Variants in DOCK7 observed in about 807,000 individuals in gnomAD.
DOCK7 encodes dedicator of cytokinesis protein 7.
A neutral mutation model predicts 271.0 loss-of-function variants in DOCK7; 138 were observed. The ratio of observed to expected loss-of-function variants is 0.51; its 90% CI spans 0.44 to 0.59. DOCK7 has a LOEUF of 0.59. Ranked by LOEUF, DOCK7 falls within the 20% of genes least tolerant of loss-of-function variation. The pLI is 0.00. For missense variants in DOCK7, 2,066 were observed against 2,592.4 expected, an observed-to-expected ratio of 0.80 and a Z score of 4.41; for synonymous variants, 823 against 876.1, an observed-to-expected ratio of 0.94 and a Z score of 1.07.
At chr1:62,633,882 T>C (rs1042798775) in intron 9 of DOCK7, 1 of 226,936 alleles carries the variant, frequency 4.4e-6, no homozygotes. Context: ...AAGACAAGAA[T>C]GCCCACATTA....
chr1:62,619,812 TA>T (rs34571440), intron 13 of DOCK7, 87 bp downstream of exon 13: 1,095 of 619,000 alleles, frequency 1.8e-3, no homozygotes, highest in East Asian at 2.8e-3. Context: ...GCCAGATAAA[TA>T]AAAAAAAAAG....
Position 62,544,992 on chromosome 1 carries a change from A to T in DOCK7, c.2814T>A (p.Ala938=). 6.5e-7 allele frequency: 1 copy of T among 1,549,974 alleles called. No homozygotes were observed. ...GACTGGGGTTGGATCCCCATGGGGC[A>T]GCTTTTGGACCACCAGTGTTAACCC... ...NSWVNTGGPK[A]APWGSNPSPS... The change falls in exon 23 of 50, where the codon GCT becomes GCA. Residue 938 remains alanine (A), a synonymous_variant. Transcript: ENST00000635253.
intron 48 of DOCK7, among the ~76,000 whole-genome samples, chr1:62,467,868 C>T (rs918728548): frequency 1.3e-5 from 2 of 152,168 alleles, no homozygotes; most frequent in African/African-American, 4.8e-5. Flanking sequence ...AAAATTCTAA[C>T]TAACCAAATC....
chr1:62,455,683 T>TTGTC (rs1040636239), intron 49 of DOCK7, among the ~76,000 whole-genome samples: 25 of 152,314 alleles, frequency 1.6e-4, no homozygotes, highest in African/African-American at 5.8e-4. Flanking sequence ...TTGTATTCGT[T>TTGTC]TGTCTGACTG....
In DOCK7 at chr1:62,488,995, G is replaced by A; in HGVS notation, c.5432C>T (p.Ala1811Val). The A allele has an allele frequency of 6.2e-6, 10 of 1,613,000 alleles. No homozygotes were observed. Among genetic ancestry groups the A allele is most frequent in the Non-Finnish European group, 8.5e-6 (10 of 1,179,470 alleles). ...LIPIHEANRD[A>V]KKLSTIHGKL... is the part of the protein sequence containing the mutation. ...ACCATGAATTGTGGATAGTTTCTTT[G>A]CATCCCGATTAGCTTCATGAATAGG... is the stretch of plus-strand genomic sequence containing the variant. Residue 1811 changes from alanine (A) to valine (V), a missense_variant, in exon 42 of 50, where the codon GCA (alanine) becomes GTA (valine). Around this residue, in one of 2 missense-constraint regions of DOCK7, gnomAD observed 652 missense variants for 922.1 expected, o/e 0.71. Transcript: ENST00000635253.
chr1:62,659,019 A>G (rs1395416126), intron 2 of DOCK7, among the ~76,000 whole-genome samples: 1 of 152,016 alleles, frequency 6.6e-6, no homozygotes. Flanking sequence ...AAACTAAGAG[A>G]CTCTGTCACC....
chr1:62,462,761 T>C (rs868318943), intron 48 of DOCK7, among the ~76,000 whole-genome samples: 9 of 152,166 alleles, frequency 5.9e-5, no homozygotes, highest in Middle Eastern at 3.4e-3. Context: ...CAAAAATCAA[T>C]TGCAAATGGA....
intron 16 of DOCK7, among the ~76,000 whole-genome samples, chr1:62,581,951 T>C (rs1437883113): frequency 6.6e-6 from 1 of 152,190 alleles, no homozygotes; most frequent in Non-Finnish European, 1.5e-5. Context: ...AGCAGGAGAC[T>C]AATGCTGCAA....
chr1:62,553,032 C>CAT, intron 21 of DOCK7, 131 bp from the exon 22 acceptor site: 4 of 166,006 alleles, frequency 2.4e-5, no homozygotes, highest in Non-Finnish European at 3.6e-5. Flanking sequence ...AAAAAATATA[C>CAT]TTTTTTTTTT....
In DOCK7 at chr1:62,462,380, G is replaced by A. The variant is rs981245249; in HGVS notation, c.6213-4675C>T. 4.6e-5 allele frequency among the ~76,000 whole-genome samples: 7 copies of A among 152,296 alleles called. 1 individual carries two copies. The highest frequency in any genetic ancestry group is 1.9e-4 in the East Asian group (1 of 5,184). On this transcript the variant is annotated intron_variant, in intron 48 of 49. Coordinates refer to ENST00000635253, the MANE Select transcript of DOCK7 (RefSeq NM_001367561.1). ...GGTGAGAGGAATTGCTCTGCCACAC[G>A]GCAAAGCTTATTATAAAGCGGCAGT...
chr1:62,464,600 T>C (rs1645622567), intron 48 of DOCK7, among the ~76,000 whole-genome samples: 1 of 151,904 alleles, frequency 6.6e-6, no homozygotes, highest in South Asian at 2.1e-4. Flanking sequence ...GAGAATCGCT[T>C]GAACCCGGGA....
intron 33 of DOCK7, chr1:62,511,464 C>G (rs1644481968): frequency 6.6e-6 from 1 of 152,046 alleles, no homozygotes; most frequent in South Asian, 2.1e-4. Context: ...TATAAAACTG[C>G]TTGTTTTTGG....
At position 62,682,889 on chromosome 1, in the gene DOCK7, C is replaced by T. The variant is rs2149780642; in HGVS notation, c.38+5338G>A. ...GTTAGAACAGGGAAAGTTGTGGGAT[C>T]AAGACTCTGAGAGAGGTGGCAAGAG... On this transcript the variant is annotated intron_variant, in intron 1 of 49. Transcript: ENST00000635253. Among the ~76,000 whole-genome samples the T allele has an allele frequency of 2.0e-5, 3 of 152,200 alleles. 1 individual carries two copies. The East Asian group carries it at 5.8e-4, about 29-fold the overall frequency.
chr1:62,531,426 T>C (rs547802332), intron 29 of DOCK7, among the ~76,000 whole-genome samples: 1 of 152,354 alleles, frequency 6.6e-6, no homozygotes, highest in Middle Eastern at 3.4e-3. Flanking sequence ...TGGCTCACTT[T>C]AGCAAGAGAG....
intron 2 of DOCK7, among the ~76,000 whole-genome samples, chr1:62,656,895 C>T (rs1189574738): frequency 6.6e-6 from 1 of 152,150 alleles, no homozygotes; most frequent in Non-Finnish European, 1.5e-5. Flanking sequence ...TGCACAAAGG[C>T]CAAGTGGGGA....
intron 43 of DOCK7, among the ~76,000 whole-genome samples, chr1:62,480,073 A>G (rs1476342659): frequency 6.6e-6 from 1 of 152,232 alleles, no homozygotes; most frequent in Non-Finnish European, 1.5e-5. Context: ...AAATATTTGA[A>G]GATAACAATT....
chr1:62,559,945 G>T (rs1646268610), intron 19 of DOCK7, among the ~76,000 whole-genome samples: 1 of 152,092 alleles, frequency 6.6e-6, no homozygotes, highest in Admixed American at 6.6e-5. Context: ...TAGGCAAAGG[G>T]TGCCTACGTG....
At position 62,455,266 on chromosome 1, in the gene DOCK7, A is replaced by AT; in HGVS notation, c.*147dup. ...TAGCCATGATTCTCAAGCGTTAACA[A>AT]TCTACATTTGATATTTTCTTGGCCA... On this transcript the variant is annotated 3_prime_UTR_variant, in exon 50 of 50. Coordinates refer to ENST00000635253, the MANE Select transcript of DOCK7 (RefSeq NM_001367561.1). The AT allele has an allele frequency of 1.2e-6, 1 of 830,036 alleles. No homozygotes were observed. The highest frequency in any genetic ancestry group is 2.6e-5 in the East Asian group (1 of 37,780). The allele number at this position is 830,036 out of a possible 1,614,324, so 51.4% of individuals were successfully genotyped here. A position where few individuals can be genotyped will look rare whatever the true frequency, so the allele number is the denominator to read the frequency against.
intron 1 of DOCK7, among the ~76,000 whole-genome samples, chr1:62,675,422 T>C (rs1660441848): frequency 6.6e-6 from 1 of 151,890 alleles, no homozygotes; most frequent in Non-Finnish European, 1.5e-5. Context: ...TCGATACAAA[T>C]GAGTAAGAGA....
Sources: gnomAD v4.1 joint callset for allele counts (sites outside exome capture counted in the v4.1 genomes callset) on GRCh38, gnomAD v4.1.1 for gene constraint, gnomAD v4.1.1 regional missense constraint, MANE v1.5 for transcripts, NCBI Gene and HGNC (gene_info 2026-07-23, HGNC 2026-07-21) for gene names.